KCNT1: variants seen among roughly 807,000 people sequenced by gnomAD.
KCNT1 encodes the protein potassium sodium-activated channel subfamily T member 1.
In KCNT1, 78 loss-of-function variants were observed where a neutral mutation model predicts 147.8. The observed-to-expected ratio is 0.53, with a 90% confidence interval of 0.44 to 0.64. The LOEUF is 0.64. Among genes scored for constraint, KCNT1 ranks in the 30% least tolerant of loss-of-function variants. The probability of loss-of-function intolerance (pLI) is 0.00; values close to 1 mark genes in which losing one functional copy is unlikely to be tolerated. For missense variants in KCNT1, 1,419 were observed against 1,750.3 expected (o/e 0.81, Z 3.38); for synonymous variants, 867 against 748.8 (o/e 1.16, Z -2.58).
rs965984350 is a variant in KCNT1 at position 135,792,939 on chromosome 9, A to G, written c.*778A>G. The G allele has an allele frequency of 6.6e-6, 1 of 152,048 alleles. No individual in the cohort carries two copies. The highest frequency in any genetic ancestry group is 2.4e-5 in the African/African-American group (1 of 41,380). 9.4% of individuals were successfully genotyped at this position (152,048 alleles called of 1,614,324 possible). A position where few individuals can be genotyped will look rare whatever the true frequency, so the allele number is the denominator to read the frequency against. ...CACTTACCTTTTAAAGCAAAGCCTCATTTTCTAAACCCCTGACTTGTGAAG... is the reference window on the plus strand; with the variant it reads ...CACTTACCTTTTAAAGCAAAGCCTCGTTTTCTAAACCCCTGACTTGTGAAG... On this transcript the variant is annotated 3_prime_UTR_variant, in exon 31 of 31. Transcript: ENST00000371757.
chr9:135,729,964 G>A (rs1374127942), intron 2 of KCNT1, among the ~76,000 whole-genome samples: 1 of 152,110 alleles, frequency 6.6e-6, no homozygotes, highest in African/African-American at 2.4e-5. Context: ...GTGGCTCTTG[G>A]CCCCCTCTGA....
chr9:135,788,891 CG>C (rs1423622102), intron 29 of KCNT1: 2 of 152,446 alleles, frequency 1.3e-5, no homozygotes, highest in African/African-American at 4.8e-5. Context: ...AGCCTGCCCC[CG>C]CTGCCACACC....
intron 29 of KCNT1, among the ~76,000 whole-genome samples, chr9:135,787,347 C>T (rs541802844): frequency 1.1e-4 from 16 of 152,342 alleles, no homozygotes; most frequent in Middle Eastern, 3.4e-3. Flanking sequence ...ATGCTACCTC[C>T]GTTGATGAAG....
At position 135,768,554 on chromosome 9, in the gene KCNT1, G is replaced by A. The variant is rs77818758; in HGVS notation, c.1338-56G>A. On this transcript the variant is annotated intron_variant, in intron 13 of 30. Transcript: ENST00000371757. ...CTCCCCACCTCACCTCCGCACCCCC[G>A]GCTGCACTGCCCACCTCCCCTGCTC... 3.4e-3 allele frequency: 4,932 copies of A among 1,442,972 alleles called. 102 individuals carry two copies. In the African/African-American group the frequency reaches 0.05, roughly 15 times the overall value. The allele number at this position is 1,442,972 out of a possible 1,614,324, so 89.4% of individuals were successfully genotyped here. A position where few individuals can be genotyped will look rare whatever the true frequency, so the allele number is the denominator to read the frequency against.
intron 24 of KCNT1, among the ~76,000 whole-genome samples, chr9:135,780,992 G>A (rs1043051357): frequency 2.6e-5 from 4 of 152,064 alleles, no homozygotes; most frequent in Non-Finnish European, 5.9e-5. Flanking sequence ...CAGCAAGCAC[G>A]CAGCCAACAC....
chr9:135,731,985 T>TAG (rs1564327978), intron 2 of KCNT1, among the ~76,000 whole-genome samples: 8 of 23,264 alleles, frequency 3.4e-4, no homozygotes, highest in Admixed American at 1.1e-3. Context: ...TATATATATA[T>TAG]ATATATAGAG....
intron 2 of KCNT1, among the ~76,000 whole-genome samples, chr9:135,749,725 G>A (rs886185279): frequency 6.6e-6 from 1 of 152,228 alleles, no homozygotes; most frequent in Admixed American, 6.5e-5. Context: ...CCATCCCCAG[G>A]GCCATATGGG....
intron 19 of KCNT1, among the ~76,000 whole-genome samples, chr9:135,774,556 T>C (rs1023101803): frequency 3.3e-5 from 5 of 150,558 alleles, no homozygotes; most frequent in Non-Finnish European, 5.9e-5. Flanking sequence ...TGTTGTGTGG[T>C]CTGTGTGGTG....
chr9:135,776,314 G>A (rs1028154510), intron 20 of KCNT1, among the ~76,000 whole-genome samples: 1 of 152,116 alleles, frequency 6.6e-6, no homozygotes, highest in African/African-American at 2.4e-5. Flanking sequence ...CTGGAGTGCA[G>A]TGGTGGGATC....
intron 2 of KCNT1, among the ~76,000 whole-genome samples, chr9:135,722,653 C>G (rs748576501): frequency 9.9e-5 from 15 of 152,216 alleles, no homozygotes; most frequent in South Asian, 2.1e-4. Context: ...GCTGGAAGCC[C>G]AGGATCAAGG....
At chr9:135,766,257 A>G (rs1342619934) in intron 13 of KCNT1, among the ~76,000 whole-genome samples, 2 of 133,300 alleles carry the variant, frequency 1.5e-5, no homozygotes, top group African/African-American at 2.9e-5. Context: ...CATCCAGTGT[A>G]GATCATGTGG....
At chr9:135,787,792 G>A (rs1460470859) in intron 29 of KCNT1, among the ~76,000 whole-genome samples, 1 of 152,210 alleles carries the variant, frequency 6.6e-6, no homozygotes, top group African/African-American at 2.4e-5. Context: ...GCCCTTTCAG[G>A]TGGGGCTCAC....
chr9:135,746,937 GTTGGTGGGGGATGGTTGGCCTGGTGCCA>G (rs1830861391), intron 2 of KCNT1, among the ~76,000 whole-genome samples: 1 of 152,104 alleles, frequency 6.6e-6, no homozygotes, highest in Non-Finnish European at 1.5e-5. Context: ...GGAGCCTGAG[GTTGGTGGGGGATGGTTGGCCTGGTGCCA>G]TCAGGAATGG....
chr9:135,784,858 G>A lies in KCNT1; in HGVS notation c.3125G>A (p.Arg1042Gln), dbSNP rs763578184. The A allele has an allele frequency of 1.4e-5, 22 of 1,612,708 alleles. No homozygotes were observed. The highest frequency in any genetic ancestry group is 1.7e-5 in the Non-Finnish European group (20 of 1,179,984). Reference sequence around the variant, plus strand: ...GCCGAGATCCCCATTGGCATCTACCGGACAGAGAGCCACGTCTTCTCCACC... The same window carrying A: ...GCCGAGATCCCCATTGGCATCTACCAGACAGAGAGCCACGTCTTCTCCACC... ...SSAEIPIGIY[R>Q]TESHVFSTSE... The change falls in exon 27 of 31, where the codon CGG (arginine) becomes CAG (glutamine). Residue 1042 changes from arginine (R) to glutamine (Q), a missense_variant. Physicochemically the swap from Arg to Gln is conservative, Grantham distance 43 (BLOSUM62 1). This residue lies in a region of KCNT1 where 306 missense variants were observed against 294.2 expected (regional missense o/e 1.04). Transcript: ENST00000371757.
chr9:135,791,305 C>T (rs1046388899), intron 29 of KCNT1: 10 of 177,350 alleles, frequency 5.6e-5, no homozygotes, highest in East Asian at 5.2e-4. Flanking sequence ...GTGCAGGGGT[C>T]TGTGGATACC....
rs1271583153 is a variant in KCNT1 at position 135,784,523 on chromosome 9, C to T, written c.2944-12C>T. 3.3e-6 allele frequency: 3 copies of T among 918,000 alleles called. No individual in the cohort carries two copies. The highest frequency in any genetic ancestry group is 4.9e-6 in the Non-Finnish European group (3 of 615,720). The allele number at this position is 918,000 out of a possible 1,614,324, so 56.9% of individuals were successfully genotyped here. A position where few individuals can be genotyped will look rare whatever the true frequency, so the allele number is the denominator to read the frequency against. Reference sequence around the variant, plus strand: ...CCTCCCTCCCTCCCTCCCTCCCTCCCTCCCTGGCCAGTCCTTCGTGAAGGA... The same window carrying T: ...CCTCCCTCCCTCCCTCCCTCCCTCCTTCCCTGGCCAGTCCTTCGTGAAGGA... On this transcript the variant is annotated splice_polypyrimidine_tract_variant and intron_variant, in intron 25 of 30. Transcript: ENST00000371757.
intron 2 of KCNT1, among the ~76,000 whole-genome samples, chr9:135,727,379 C>T (rs112217535): frequency 2.4e-5 from 3 of 126,038 alleles, no homozygotes; most frequent in Middle Eastern, 4.0e-3. Context: ...CTCCCTCTCC[C>T]TCTCTCTCCC....
At chr9:135,759,533 C>T (rs1831762383) in intron 10 of KCNT1, 146 bp from the exon 11 acceptor site, 2 of 777,126 alleles carry the variant, frequency 2.6e-6, no homozygotes, top group Non-Finnish European at 3.7e-6. Context: ...TGATGCCACC[C>T]AGCTGTCAGG....
At chr9:135,743,527 A>T (rs910931940) in intron 2 of KCNT1, among the ~76,000 whole-genome samples, 1 of 152,088 alleles carries the variant, frequency 6.6e-6, no homozygotes, top group Non-Finnish European at 1.5e-5. Flanking sequence ...GGAGGCTGGG[A>T]GGCCAGTGGC....
Sources: allele counts gnomAD v4.1 joint callset (sites outside exome capture counted in the v4.1 genomes callset), GRCh38; gene constraint gnomAD v4.1.1; regional missense constraint gnomAD v4.1.1; transcripts MANE v1.5; gene names NCBI Gene and HGNC (gene_info 2026-07-23, HGNC 2026-07-21).